Variants in PCDHA6 observed in about 807,000 individuals in gnomAD.
PCDHA6 encodes the protein protocadherin alpha-6.
A neutral mutation model predicts 60.3 loss-of-function variants in PCDHA6; 55 were observed. The observed-to-expected ratio is 0.91, with a 90% CI of 0.73 to 1.14. The LOEUF is 1.14. Among genes scored for constraint, PCDHA6 ranks in the 50% most tolerant of loss-of-function variants. The probability of loss-of-function intolerance (pLI) is 0.00; values close to 1 mark genes in which losing one functional copy is unlikely to be tolerated. For synonymous variants in PCDHA6, 652 were observed against 557.9 expected, an observed-to-expected ratio of 1.17 and a Z score of -2.38; for missense variants, 1,327 against 1,256.5, an observed-to-expected ratio of 1.06 and a Z score of -0.85.
intron 1 of PCDHA6, chr5:140,882,650 G>A (rs782695823): frequency 8.1e-6 from 13 of 1,614,212 alleles, no homozygotes; most frequent in Non-Finnish European, 8.5e-6. Context: ...GGACATTAAC[G>A]ACAACCCGCC....
intron 1 of PCDHA6, among the ~76,000 whole-genome samples, chr5:140,976,093 A>G (rs782314077): frequency 6.6e-6 from 1 of 152,238 alleles, no homozygotes; most frequent in African/African-American, 2.4e-5. Context: ...TCAGTAGTCA[A>G]CTTTTCAACT....
At chr5:140,941,210 T>C (rs199663607) in intron 1 of PCDHA6, among the ~76,000 whole-genome samples, 3,757 of 100,378 alleles carry the variant, frequency 0.037, 93 homozygotes, top group African/African-American at 0.096. Context: ...TTCCTTTCTT[T>C]CTTCCTTTCT....
chr5:140,882,153 A>G (rs1197738298), intron 1 of PCDHA6: 9 of 1,505,320 alleles, frequency 6.0e-6, no homozygotes, highest in Admixed American at 2.3e-5. Flanking sequence ...CAGAAAGCGG[A>G]ATACCTCTTG....
rs959323631 is a variant in PCDHA6 at position 140,967,718 on chromosome 5, C to A, written c.2395-11231C>A. The A allele has an allele frequency of 8.7e-6, 14 of 1,614,106 alleles. 1 individual carries two copies. The South Asian group carries it at 1.5e-4, about 18-fold the overall frequency. ...CATAGATGCCAGTACCGGGGAAGTG[C>A]GAGTAATTGGGGGGCTGGATTATGA... On this transcript the variant is annotated intron_variant, in intron 1 of 3. Transcript: ENST00000529310.
At chr5:140,990,029 A>G (rs1343846819) in intron 3 of PCDHA6, among the ~76,000 whole-genome samples, 1 of 152,146 alleles carries the variant, frequency 6.6e-6, no homozygotes, top group African/African-American at 2.4e-5. Context: ...AAAGGATGGG[A>G]GAAGTCAGTC....
At chr5:140,877,838 A>G (rs1395855806) in intron 1 of PCDHA6, 16 of 1,583,236 alleles carry the variant, frequency 1.0e-5, no homozygotes, top group Non-Finnish European at 1.4e-5. Flanking sequence ...CCTCCCAGTG[A>G]AGTAAGTTAT....
rs530428922 is a variant in PCDHA6, at chr5:140,875,375, A to G, written c.2394+44890A>G. On this transcript the variant is annotated intron_variant, in intron 1 of 3. Transcript: ENST00000529310. ...TGTGATGCTGGAAAAAATTTACTAA[A>G]TATGTACTTACAGAAAAGGGTGACT... 70 of 1,456,838 alleles carry G rather than the reference A, an allele frequency of 4.8e-5. No individual in the cohort carries two copies. The African/African-American group carries it at 9.9e-4, about 21-fold the overall frequency. The allele number at this position is 1,456,838 out of a possible 1,614,324, so 90.2% of individuals were successfully genotyped here. A position where few individuals can be genotyped will look rare whatever the true frequency, so the allele number is the denominator to read the frequency against.
At chr5:140,839,222 T>C (rs1358006384) in intron 1 of PCDHA6, among the ~76,000 whole-genome samples, 1 of 151,922 alleles carries the variant, frequency 6.6e-6, no homozygotes, top group Non-Finnish European at 1.5e-5. Flanking sequence ...GATGTAACTG[T>C]AATCTGTTTT....
intron 1 of PCDHA6, chr5:140,849,633 G>A: frequency 6.3e-7 from 1 of 1,598,806 alleles, no homozygotes; most frequent in African/African-American, 1.3e-5. Flanking sequence ...CCTAGACGCA[G>A]ATGCCAACGG....
intron 1 of PCDHA6, among the ~76,000 whole-genome samples, chr5:140,855,264 T>C (rs560224323): frequency 1.3e-5 from 2 of 149,870 alleles, no homozygotes; most frequent in South Asian, 4.2e-4. Context: ...TATATTATAA[T>C]TCACTCAACC....
In PCDHA6 at chr5:141,011,894, T is replaced by G. The variant is rs1303053966; in HGVS notation, c.*1957T>G. 6.5e-6 allele frequency: 1 copy of G among 153,306 alleles called. No homozygotes were observed. The highest frequency in any genetic ancestry group is 1.5e-5 in the Non-Finnish European group (1 of 68,044). The allele number at this position is 153,306 out of a possible 1,614,324, so 9.5% of individuals were successfully genotyped here. ...AATTTAGAAGTTTGATTAATTATAT[T>G]ATCTATTTAGGCATTAATATAAAAG... On this transcript the variant is annotated 3_prime_UTR_variant, in exon 4 of 4. Transcript: ENST00000529310.
In PCDHA6 at chr5:141,007,573, TA is replaced by T. The variant is rs1265481031; in HGVS notation, c.2543-2048del. Among the ~76,000 whole-genome samples, 3 of 151,796 alleles carry T rather than the reference TA, an allele frequency of 2.0e-5. No homozygotes were observed. The East Asian group carries it at 5.8e-4, about 29-fold the overall frequency. On this transcript the variant is annotated intron_variant, in intron 3 of 3. Coordinates refer to ENST00000529310, the MANE Select transcript of PCDHA6 (RefSeq NM_018909.4). ...ACAGAGCAAGGCTCTATCTCAAATTTAAAAAATAATAATCATGATAATAATA... is the reference window on the plus strand; with the variant it reads ...ACAGAGCAAGGCTCTATCTCAAATTTAAAAATAATAATCATGATAATAATA...
chr5:140,882,351 G>A, intron 1 of PCDHA6: 1 of 1,614,214 alleles, frequency 6.2e-7, no homozygotes, highest in East Asian at 2.2e-5. Context: ...GAGACGGGTA[G>A]TGGCCAGCTC....
chr5:140,859,119 T>C (rs1275680120), intron 1 of PCDHA6: 2 of 150,176 alleles, frequency 1.3e-5, no homozygotes, highest in African/African-American at 4.9e-5. Context: ...AAAATGTATG[T>C]TTCTTTTATT....
chr5:140,858,263 T>C lies in PCDHA6; in HGVS notation c.2394+27778T>C, dbSNP rs781901851. ...TGGGCCGGTGAAGCCCACGCTGGTGTGCTCTAGCGCGGTGGGGAGCTGGTC... is the reference window on the plus strand; with the variant it reads ...TGGGCCGGTGAAGCCCACGCTGGTGCGCTCTAGCGCGGTGGGGAGCTGGTC... On this transcript the variant is annotated intron_variant, in intron 1 of 3. Transcript: ENST00000529310. 2.5e-6 allele frequency: 4 copies of C among 1,596,360 alleles called. No homozygotes were observed. The African/African-American group carries it at 4.0e-5, about 16-fold the overall frequency.
chr5:140,928,843 A>T (rs782153694), intron 1 of PCDHA6: 3 of 1,614,018 alleles, frequency 1.9e-6, no homozygotes, highest in Non-Finnish European at 2.5e-6. Flanking sequence ...CTCCTCTGTC[A>T]CTCTGGGTGT....
At position 140,985,761 on chromosome 5, in the gene PCDHA6, A is replaced by C. The variant is rs1239020885; in HGVS notation, c.2542+3198A>C. On this transcript the variant is annotated intron_variant, in intron 3 of 3. Transcript: ENST00000529310. ...TTCCTTTTTTTTTTTTTTTTTTTTGAGACAGTCTCGCTCTGTCGCCCAGGC... is the reference window on the plus strand; with the variant it reads ...TTCCTTTTTTTTTTTTTTTTTTTTGCGACAGTCTCGCTCTGTCGCCCAGGC... 7.9e-5 allele frequency among the ~76,000 whole-genome samples: 5 copies of C among 63,266 alleles called. No individual in the cohort carries two copies. In the East Asian group the frequency reaches 3.3e-3, roughly 41 times the overall value. 41.5% of individuals were successfully genotyped at this position (63,266 alleles called of 152,430 possible). A position where few individuals can be genotyped will look rare whatever the true frequency, so the allele number is the denominator to read the frequency against.
At chr5:140,863,049 G>A (rs781969311) in intron 1 of PCDHA6, 1 of 561,608 alleles carries the variant, frequency 1.8e-6, no homozygotes, top group Non-Finnish European at 3.5e-6. Flanking sequence ...TCAGCTGGCA[G>A]CACCCGTTCC....
rs545349225 is a variant in PCDHA6, at chr5:140,969,608, C to T, written c.2395-9341C>T. On this transcript the variant is annotated intron_variant, in intron 1 of 3. Coordinates refer to ENST00000529310, the MANE Select transcript of PCDHA6 (RefSeq NM_018909.4). ...AGTCTTAATATTTAATGCTAAAACA[C>T]AGATTTGTAGAGAAACAGGACAGGC... 646 of 747,324 alleles carry T rather than the reference C, an allele frequency of 8.6e-4. 1 individual carries two copies. Among genetic ancestry groups the T allele is most frequent in the Middle Eastern group, 3.2e-3 (8 of 2,532 alleles). The allele number at this position is 747,324 out of a possible 1,614,324, so 46.3% of individuals were successfully genotyped here. A position where few individuals can be genotyped will look rare whatever the true frequency, so the allele number is the denominator to read the frequency against.
Sources: gnomAD v4.1 joint callset for allele counts (sites outside exome capture counted in the v4.1 genomes callset) on GRCh38, gnomAD v4.1.1 for gene constraint, MANE v1.5 for transcripts, NCBI Gene and HGNC (gene_info 2026-07-23, HGNC 2026-07-21) for gene names.